BBX: variants seen among roughly 807,000 people sequenced by gnomAD.
BBX encodes HMG box transcription factor BBX.
A neutral mutation model predicts 100.2 loss-of-function variants in BBX; 30 were observed. The ratio of observed to expected loss-of-function variants is 0.30; its 90% CI spans 0.22 to 0.41. The LOEUF (loss-of-function observed/expected upper bound fraction) is 0.41, where lower values mean the gene tolerates loss of function less well. Among genes scored for constraint, BBX ranks in the 10% least tolerant of loss-of-function variants. The pLI is 1.00. For missense variants in BBX, 1,023 were observed against 1,129.8 expected (o/e 0.91, Z 1.35); for synonymous variants, 376 against 388.1 (o/e 0.97, Z 0.37).
intron 9 of BBX, among the ~76,000 whole-genome samples, chr3:107,752,031 A>G (rs904067412): frequency 1.3e-5 from 2 of 152,252 alleles, no homozygotes; most frequent in Non-Finnish European, 2.9e-5. Context: ...CCTAAAAGCC[A>G]TGACCAATCC....
Position 107,572,525 on chromosome 3 carries a change from G to A in BBX, c.-84+46127G>A, listed in dbSNP as rs541050896. Among the ~76,000 whole-genome samples the A allele has an allele frequency of 2.9e-4, 44 of 152,148 alleles. No homozygotes were observed. The Middle Eastern group carries it at 0.014, about 47-fold the overall frequency. ...ATAATTACAGGTAAACTCTCAGTGT[G>A]TTTCCTTTCTTCGTAACATTCTGAT... On this transcript the variant is annotated intron_variant, in intron 2 of 17. Transcript: ENST00000325805.
intron 3 of BBX, among the ~76,000 whole-genome samples, chr3:107,697,077 G>A (rs950558824): frequency 1.3e-5 from 2 of 150,646 alleles, no homozygotes; most frequent in African/African-American, 2.5e-5. Flanking sequence ...CTCTGTATTG[G>A]TTATTCTAGT....
intron 15 of BBX, among the ~76,000 whole-genome samples, chr3:107,796,817 A>T (rs2069721995): frequency 6.6e-6 from 1 of 152,216 alleles, no homozygotes; most frequent in African/African-American, 2.4e-5. Context: ...ATAACTGAGT[A>T]AATTAATCCA....
At chr3:107,672,424 G>A (rs1013873422) in intron 3 of BBX, among the ~76,000 whole-genome samples, 1 of 152,002 alleles carries the variant, frequency 6.6e-6, no homozygotes, top group African/African-American at 2.4e-5. Context: ...CATAAGTTGA[G>A]TATGGGATTT....
At chr3:107,769,173 G>C (rs1423779802) in intron 10 of BBX, among the ~76,000 whole-genome samples, 1 of 35,740 alleles carries the variant, frequency 2.8e-5, no homozygotes, top group African/African-American at 1.1e-4. Flanking sequence ...ATCATTCATA[G>C]ATAGATAGAT....
intron 8 of BBX, 73 bp downstream of exon 8, chr3:107,744,783 A>G: frequency 8.4e-7 from 1 of 1,196,744 alleles, no homozygotes; most frequent in South Asian, 1.2e-5. Context: ...TGATAACAGT[A>G]ACTGAAAGCA....
rs969051967 is a variant in BBX at position 107,769,177 on chromosome 3, G to A, written c.907-3451G>A. 1.0e-4 allele frequency among the ~76,000 whole-genome samples: 6 copies of A among 57,698 alleles called. No homozygotes were observed. In the East Asian group the frequency reaches 2.7e-3, roughly 26 times the overall value. 37.9% of individuals were successfully genotyped at this position (57,698 alleles called of 152,430 possible). On this transcript the variant is annotated intron_variant, in intron 10 of 17. Transcript: ENST00000325805. ...AGCACGACTCTATCATTCATAGATA[G>A]ATAGATAGATAGATAGATAGATAGA... is the stretch of plus-strand genomic sequence containing the variant.
At chr3:107,535,498 A>T (rs1455141977) in intron 2 of BBX, among the ~76,000 whole-genome samples, 2 of 151,666 alleles carry the variant, frequency 1.3e-5, no homozygotes, top group African/African-American at 4.8e-5. Context: ...TTTAATATTT[A>T]TTAATTCCTC....
At chr3:107,691,912 CTT>C (rs1242072714) in intron 3 of BBX, among the ~76,000 whole-genome samples, 1 of 151,940 alleles carries the variant, frequency 6.6e-6, no homozygotes, top group Non-Finnish European at 1.5e-5. Context: ...AATACGTATT[CTT>C]TTTTTGCTTT....
intron 2 of BBX, among the ~76,000 whole-genome samples, chr3:107,567,559 C>A (rs957468464): frequency 6.6e-6 from 1 of 151,948 alleles, no homozygotes; most frequent in Non-Finnish European, 1.5e-5. Context: ...TACTGCTATA[C>A]CTACTTTTTA....
intron 2 of BBX, among the ~76,000 whole-genome samples, chr3:107,549,122 G>T (rs945355338): frequency 1.3e-5 from 2 of 152,232 alleles, no homozygotes; most frequent in East Asian, 1.9e-4. Flanking sequence ...CCCTACACTT[G>T]TATTCCCTGA....
At position 107,656,768 on chromosome 3, in the gene BBX, G is replaced by A. The variant is rs142652291; in HGVS notation, c.-10+10859G>A. Reference sequence around the variant, plus strand: ...CTAATTATCATGTGCAAGGCAGTGCGTTACACACTGTCAAGATCAGGATGT... The same window carrying A: ...CTAATTATCATGTGCAAGGCAGTGCATTACACACTGTCAAGATCAGGATGT... On this transcript the variant is annotated intron_variant, in intron 3 of 17. Coordinates refer to ENST00000325805, the MANE Select transcript of BBX (RefSeq NM_001142568.3). 6.9e-3 allele frequency among the ~76,000 whole-genome samples: 1,047 copies of A among 152,242 alleles called. 15 individuals carry two copies. The highest frequency in any genetic ancestry group is 0.023 in the African/African-American group (961 of 41,534).
intron 3 of BBX, among the ~76,000 whole-genome samples, chr3:107,676,365 G>T (rs1301867629): frequency 2.6e-5 from 4 of 152,078 alleles, no homozygotes; most frequent in African/African-American, 9.7e-5. Flanking sequence ...CATAACTTGT[G>T]TTACTGCCAC....
chr3:107,759,960 A>G (rs1326175021), intron 10 of BBX, among the ~76,000 whole-genome samples: 1 of 152,214 alleles, frequency 6.6e-6, no homozygotes, highest in African/African-American at 2.4e-5. Flanking sequence ...CTAACCTAAG[A>G]TGATAATGAC....
intron 13 of BBX, among the ~76,000 whole-genome samples, chr3:107,785,767 G>A (rs2068353665): frequency 6.6e-6 from 1 of 151,962 alleles, no homozygotes; most frequent in Admixed American, 6.6e-5. Context: ...TAGGCAAAGG[G>A]GCAATACAAG....
At chr3:107,697,684 ACAGAGGCAGG>A (rs1179583120) in intron 3 of BBX, among the ~76,000 whole-genome samples, 2 of 151,884 alleles carry the variant, frequency 1.3e-5, no homozygotes, top group Admixed American at 1.3e-4. Flanking sequence ...GGTGGAGCCT[ACAGAGGCAGG>A]CAGGCCTCCT....
chr3:107,602,756 A>G (rs1342000196), intron 2 of BBX, among the ~76,000 whole-genome samples: 1 of 152,232 alleles, frequency 6.6e-6, no homozygotes, highest in African/African-American at 2.4e-5. Flanking sequence ...CTGTAGTCTT[A>G]CAATGGATAC....
chr3:107,700,128 C>A (rs1055188380), intron 3 of BBX, among the ~76,000 whole-genome samples: 25 of 151,808 alleles, frequency 1.6e-4, no homozygotes, highest in Non-Finnish European at 3.5e-4. Context: ...AGAATTCAGG[C>A]AGGTCTTTAG....
intron 3 of BBX, among the ~76,000 whole-genome samples, chr3:107,697,174 G>A (rs546928481): frequency 1.5e-4 from 23 of 151,776 alleles, no homozygotes; most frequent in Non-Finnish European, 2.8e-4. Flanking sequence ...TAATTTGATC[G>A]TCTGAAGCCT....
Sources: allele counts gnomAD v4.1 joint callset (sites outside exome capture counted in the v4.1 genomes callset), GRCh38; gene constraint gnomAD v4.1.1; transcripts MANE v1.5; gene names NCBI Gene and HGNC (gene_info 2026-07-23, HGNC 2026-07-21).